The following CSMD3 variants were observed in gnomAD, a reference collection of about 807,000 sequenced individuals.
CSMD3 encodes CUB and sushi domain-containing protein 3.
In CSMD3, 177 loss-of-function variants were observed where a neutral mutation model predicts 435.2. The ratio of observed to expected loss-of-function variants is 0.41; its 90% CI spans 0.36 to 0.46. The LOEUF (loss-of-function observed/expected upper bound fraction) is 0.46, where lower values mean the gene tolerates loss of function less well. Among genes scored for constraint, CSMD3 ranks in the 20% least tolerant of loss-of-function variants. CSMD3 has a pLI of 0.34. For synonymous variants in CSMD3, 1,656 were observed against 1,520.5 expected, an observed-to-expected ratio of 1.09 and a Z score of -2.07; for missense variants, 4,265 against 4,504.6, an observed-to-expected ratio of 0.95 and a Z score of 1.52.
At chr8:112,943,244 T>A (rs554388513) in intron 9 of CSMD3, among the ~76,000 whole-genome samples, 1 of 151,846 alleles carries the variant, frequency 6.6e-6, no homozygotes, top group Non-Finnish European at 1.5e-5. Flanking sequence ...TTATTAGATA[T>A]GTAATTTGCA....
intron 5 of CSMD3, among the ~76,000 whole-genome samples, chr8:113,092,874 T>C (rs2090049849): frequency 1.3e-5 from 2 of 152,090 alleles, no homozygotes; most frequent in Admixed American, 1.3e-4. Context: ...TTGTGTCTTG[T>C]TTTAGCCTCT....
chr8:112,405,958 A>G (rs1279717798), intron 35 of CSMD3, among the ~76,000 whole-genome samples: 1 of 152,128 alleles, frequency 6.6e-6, no homozygotes, highest in African/African-American at 2.4e-5. Flanking sequence ...AAGATCTGCC[A>G]TTTGATAGCA....
At chr8:112,362,210 A>G (rs1210291204) in intron 38 of CSMD3, among the ~76,000 whole-genome samples, 3 of 151,946 alleles carry the variant, frequency 2.0e-5, no homozygotes, top group Non-Finnish European at 4.4e-5. Flanking sequence ...TAATCTACTA[A>G]ACAAATATTT....
At chr8:112,296,558 A>T (rs2130721866) in intron 53 of CSMD3, among the ~76,000 whole-genome samples, 1 of 149,330 alleles carries the variant, frequency 6.7e-6, no homozygotes, top group Admixed American at 6.9e-5. Flanking sequence ...TCAAAAAAAA[A>T]ATAAATAAAT....
chr8:112,516,425 C>A (rs141243811), intron 28 of CSMD3, among the ~76,000 whole-genome samples: 1 of 152,040 alleles, frequency 6.6e-6, no homozygotes, highest in African/African-American at 2.4e-5. Flanking sequence ...ATTCCAAAAG[C>A]GGGACATTCC....
chr8:113,189,700 A>G (rs183187683), intron 3 of CSMD3, among the ~76,000 whole-genome samples: 1 of 151,964 alleles, frequency 6.6e-6, no homozygotes, highest in Admixed American at 6.6e-5. Flanking sequence ...TAATAAAACT[A>G]TTAATGAAAT....
At chr8:112,713,470 T>C (rs2076654028) in intron 13 of CSMD3, among the ~76,000 whole-genome samples, 1 of 149,630 alleles carries the variant, frequency 6.7e-6, no homozygotes, top group Admixed American at 6.7e-5. Context: ...CTGAAAGAGA[T>C]GGGGAGAATG....
At chr8:112,856,362 A>G (rs993893874) in intron 11 of CSMD3, among the ~76,000 whole-genome samples, 1 of 151,954 alleles carries the variant, frequency 6.6e-6, no homozygotes, top group Non-Finnish European at 1.5e-5. Context: ...AGAATAAGAC[A>G]GTCACCTATA....
chr8:112,925,531 C>T (rs972437750), intron 9 of CSMD3, among the ~76,000 whole-genome samples: 12 of 151,076 alleles, frequency 7.9e-5, no homozygotes, highest in Admixed American at 3.3e-4. Flanking sequence ...CTACTGCACT[C>T]GACAGAGGGA....
At chr8:112,281,539 G>T (rs925330129) in intron 58 of CSMD3, among the ~76,000 whole-genome samples, 189 bp from the exon 59 acceptor site, 3 of 152,088 alleles carry the variant, frequency 2.0e-5, no homozygotes, top group Admixed American at 1.3e-4. Flanking sequence ...CTTAATTACT[G>T]GGATGCAAAT....
At chr8:113,219,537 T>G (rs1020403420) in intron 3 of CSMD3, among the ~76,000 whole-genome samples, 1 of 151,436 alleles carries the variant, frequency 6.6e-6, no homozygotes, top group African/African-American at 2.4e-5. Context: ...AAAAGTGGTA[T>G]CTCAAATTAC....
chr8:112,588,083 A>G (rs1183147229), intron 22 of CSMD3, among the ~76,000 whole-genome samples: 2 of 151,916 alleles, frequency 1.3e-5, no homozygotes, highest in Admixed American at 1.3e-4. Flanking sequence ...CAGAAATTCA[A>G]TAAACTAAGT....
At chr8:112,847,351 G>C (rs1403248925) in intron 11 of CSMD3, among the ~76,000 whole-genome samples, 2 of 152,044 alleles carry the variant, frequency 1.3e-5, no homozygotes, top group East Asian at 3.9e-4. Flanking sequence ...GAAAGATCTG[G>C]GTATCACTTA....
At chr8:112,366,472 A>C (rs1392144948) in intron 38 of CSMD3, among the ~76,000 whole-genome samples, 2 of 152,198 alleles carry the variant, frequency 1.3e-5, no homozygotes, top group East Asian at 3.9e-4. Flanking sequence ...ATCTCGGCGC[A>C]CTGCAACCTC....
At chr8:112,452,816 T>A (rs184529473) in intron 32 of CSMD3, among the ~76,000 whole-genome samples, 457 of 152,310 alleles carry the variant, frequency 3.0e-3, no homozygotes, top group African/African-American at 0.011. Flanking sequence ...TCTCTGCAAA[T>A]TATAAAAATC....
rs2130930469 is a variant in CSMD3 at position 112,506,697 on chromosome 8, A to G, written c.4889T>C (p.Phe1630Ser). 1.2e-6 allele frequency: 2 copies of G among 1,613,650 alleles called. No homozygotes were observed. Among genetic ancestry groups the G allele is most frequent in the Non-Finnish European group, 1.7e-6 (2 of 1,179,586 alleles). The change falls in exon 29 of 71, where the codon TTC becomes TCC. Residue 1630 changes from phenylalanine (F) to serine (S), a missense_variant. Coordinates refer to ENST00000297405, the MANE Select transcript of CSMD3 (RefSeq NM_198123.2). ...VNADYVISLAFISFSIEPNYD... is the reference protein window; with the variant it reads ...VNADYVISLASISFSIEPNYD... ...TAAATATATAAGAACTCACCTGATG[A>G]ACGCCAAGGAGATAACATAGTCTGC...
At chr8:112,799,347 T>G (rs1273146186) in intron 13 of CSMD3, among the ~76,000 whole-genome samples, 2 of 151,922 alleles carry the variant, frequency 1.3e-5, no homozygotes, top group African/African-American at 4.8e-5. Context: ...AGTAAAAGAA[T>G]TTTTCACAGT....
chr8:112,331,621 T>C (rs894590075), intron 45 of CSMD3, among the ~76,000 whole-genome samples: 1 of 151,972 alleles, frequency 6.6e-6, no homozygotes, highest in Non-Finnish European at 1.5e-5. Flanking sequence ...AAAACTTCAA[T>C]GATCAATGTG....
chr8:112,226,492 G>A (rs950039414), intron 70 of CSMD3, among the ~76,000 whole-genome samples: 2 of 151,994 alleles, frequency 1.3e-5, no homozygotes, highest in African/African-American at 4.8e-5. Flanking sequence ...AAAACACATG[G>A]CCTTGAATTT....
Sources: gnomAD v4.1 joint callset for allele counts (sites outside exome capture counted in the v4.1 genomes callset) on GRCh38, gnomAD v4.1.1 for gene constraint, MANE v1.5 for transcripts, NCBI Gene and HGNC (gene_info 2026-07-23, HGNC 2026-07-21) for gene names.